Variants in PRKN observed in about 807,000 individuals in gnomAD.
PRKN encodes parkin RBR E3 ubiquitin protein ligase, also known as E3 ubiquitin-protein ligase parkin.
A neutral mutation model predicts 59.5 loss-of-function variants in PRKN; 56 were observed. The observed-to-expected ratio is 0.94, with a 90% CI of 0.76 to 1.18. The LOEUF (loss-of-function observed/expected upper bound fraction) is 1.18. PRKN is among the 50% of genes most tolerant of loss of function. PRKN has a pLI of 0.00. For missense variants in PRKN, 657 were observed against 596.4 expected, an observed-to-expected ratio of 1.10 and a Z score of -1.06; for synonymous variants, 250 against 222.1, an observed-to-expected ratio of 1.13 and a Z score of -1.12.
intron 1 of PRKN, among the ~76,000 whole-genome samples, chr6:162,655,355 G>C (rs1778606788): frequency 1.3e-5 from 2 of 152,120 alleles, no homozygotes; most frequent in Admixed American, 1.3e-4. Context: ...GTAAACCGTA[G>C]GGATTTTTGC....
At position 161,405,240 on chromosome 6, in the gene PRKN, T is replaced by C. The variant is rs1787212512; in HGVS notation, c.1084-18363A>G. 6.6e-6 allele frequency among the ~76,000 whole-genome samples: 1 copy of C among 152,166 alleles called. No individual in the cohort carries two copies. The highest frequency in any genetic ancestry group is 2.1e-4 in the South Asian group (1 of 4,828). On this transcript the variant is annotated intron_variant, in intron 9 of 11. Coordinates refer to ENST00000366898, the MANE Select transcript of PRKN (RefSeq NM_004562.3). The surrounding 1 kb of genome is among the most constrained non-coding windows in gnomAD (Gnocchi z 5.1). The stretch of plus-strand genomic sequence containing the variant: ...TGGGGGAAAAGTCATTAGTCGTCAT[T>C]TGCCATCCTGTGTTCATGCCCCTCT...
intron 1 of PRKN, among the ~76,000 whole-genome samples, chr6:162,578,042 G>A (rs889254762): frequency 1.3e-5 from 2 of 152,160 alleles, no homozygotes; most frequent in Admixed American, 6.5e-5. Context: ...ATATGCACTC[G>A]CAACCACTGA....
intron 2 of PRKN, among the ~76,000 whole-genome samples, chr6:162,427,737 G>A (rs1422413184): frequency 6.6e-6 from 1 of 150,510 alleles, no homozygotes; most frequent in African/African-American, 2.4e-5. Flanking sequence ...GCTCCACTTC[G>A]CGGGTTCACA....
chr6:161,927,226 T>A (rs1359664779), intron 6 of PRKN, among the ~76,000 whole-genome samples: 2 of 152,248 alleles, frequency 1.3e-5, no homozygotes. Context: ...CCCACTTGCA[T>A]GTACATGCTT....
At chr6:161,836,388 C>T (rs946024816) in intron 6 of PRKN, among the ~76,000 whole-genome samples, 2 of 152,106 alleles carry the variant, frequency 1.3e-5, no homozygotes, top group Non-Finnish European at 2.9e-5. Context: ...GGGAAATTGC[C>T]GTACATGATT....
chr6:162,618,271 G>A (rs994309599), intron 1 of PRKN, among the ~76,000 whole-genome samples: 18 of 152,010 alleles, frequency 1.2e-4, no homozygotes, highest in Admixed American at 8.5e-4. Context: ...TCTTATCAAT[G>A]CATGGATAAT....
At chr6:161,671,105 C>A (rs967246943) in intron 7 of PRKN, among the ~76,000 whole-genome samples, 9 of 152,102 alleles carry the variant, frequency 5.9e-5, no homozygotes, top group Non-Finnish European at 1.2e-4. Flanking sequence ...AATCTAAAAT[C>A]TAATTCTGTG....
Position 161,470,684 on chromosome 6 carries a change from C to A in PRKN, c.1083+78170G>T, listed in dbSNP as rs1294061164. On this transcript the variant is annotated intron_variant, in intron 9 of 11. Coordinates refer to ENST00000366898, the MANE Select transcript of PRKN (RefSeq NM_004562.3). The surrounding 1 kb of genome is among the most constrained non-coding windows in gnomAD (Gnocchi z 5.1). ...GCACCTGAGCCCCAGAATTCCCTGC[C>A]CAAATGGCCTGGGCTTGATTCAGGG... Among the ~76,000 whole-genome samples the A allele has an allele frequency of 2.0e-5, 3 of 152,210 alleles. No individual in the cohort carries two copies. The highest frequency in any genetic ancestry group is 7.2e-5 in the African/African-American group (3 of 41,462).
At chr6:161,713,201 G>A (rs552973120) in intron 7 of PRKN, among the ~76,000 whole-genome samples, 4 of 152,262 alleles carry the variant, frequency 2.6e-5, no homozygotes, top group East Asian at 1.9e-4. Context: ...AACACCAGAC[G>A]AAGAGATGAA....
chr6:162,270,489 T>G (rs1255557423), intron 2 of PRKN, among the ~76,000 whole-genome samples: 1 of 152,162 alleles, frequency 6.6e-6, no homozygotes, highest in Non-Finnish European at 1.5e-5. Flanking sequence ...AAATACCATC[T>G]GTACCCCAAT....
intron 1 of PRKN, among the ~76,000 whole-genome samples, chr6:162,615,903 T>C (rs1422993620): frequency 2.0e-5 from 3 of 152,214 alleles, no homozygotes; most frequent in Admixed American, 6.5e-5. Flanking sequence ...TTATCCACAT[T>C]GGCAGAGTAT....
At chr6:161,775,145 T>C (rs1232396290) in intron 7 of PRKN, among the ~76,000 whole-genome samples, 1 of 152,220 alleles carries the variant, frequency 6.6e-6, no homozygotes, top group Non-Finnish European at 1.5e-5. Context: ...TTAAAGCTTA[T>C]AATACGGATT....
chr6:162,690,947 T>C (rs938967376), intron 1 of PRKN, among the ~76,000 whole-genome samples: 14 of 152,194 alleles, frequency 9.2e-5, no homozygotes, highest in Non-Finnish European at 1.9e-4. Flanking sequence ...CTGAATGTTA[T>C]GCCTTCATGC....
At position 161,575,934 on chromosome 6, in the gene PRKN, C is replaced by A. The variant is rs1011532805; in HGVS notation, c.872-6518G>T. On this transcript the variant is annotated intron_variant, in intron 7 of 11. Transcript: ENST00000366898. The surrounding 1 kb of genome is among the most constrained non-coding windows in gnomAD (Gnocchi z 4.6). ...TTCAATGTGATCGAAGACAATGCAGCGAGACTGAACACTGACCTCTGAGCA... is the reference window on the plus strand; with the variant it reads ...TTCAATGTGATCGAAGACAATGCAGAGAGACTGAACACTGACCTCTGAGCA... Among the ~76,000 whole-genome samples the A allele has an allele frequency of 1.3e-5, 2 of 152,150 alleles. No individual in the cohort carries two copies. Among genetic ancestry groups the A allele is most frequent in the Admixed American group, 6.5e-5 (1 of 15,280 alleles).
In PRKN at chr6:162,196,628, A is replaced by T. The variant is rs142216048; in HGVS notation, c.534+4503T>A. On this transcript the variant is annotated intron_variant, in intron 4 of 11. Transcript: ENST00000366898. Reference sequence around the variant, plus strand: ...CATGCAAGAAAGAGGATATTCTGATATGGAGATGAAGAAAATTTGAGTCCG... The same window carrying T: ...CATGCAAGAAAGAGGATATTCTGATTTGGAGATGAAGAAAATTTGAGTCCG... Among the ~76,000 whole-genome samples the T allele has an allele frequency of 1.1e-3, 169 of 152,308 alleles. 4 individuals carry two copies. Among genetic ancestry groups the T allele is most frequent in the African/African-American group, 4.0e-3 (165 of 41,574 alleles).
intron 2 of PRKN, among the ~76,000 whole-genome samples, chr6:162,343,321 C>T (rs1429544020): frequency 2.6e-5 from 4 of 152,152 alleles, no homozygotes; most frequent in African/African-American, 7.2e-5. Flanking sequence ...TCTAGACGCA[C>T]CTCACATTCT....
intron 4 of PRKN, among the ~76,000 whole-genome samples, chr6:162,161,559 T>C (rs935625587): frequency 2.0e-5 from 3 of 152,214 alleles, no homozygotes; most frequent in Non-Finnish European, 4.4e-5. Context: ...GTCCTGCCTA[T>C]GATGGGAATC....
chr6:162,390,107 C>T (rs1787083990), intron 2 of PRKN, among the ~76,000 whole-genome samples: 1 of 152,082 alleles, frequency 6.6e-6, no homozygotes, highest in Non-Finnish European at 1.5e-5. Context: ...CGCCAATGTT[C>T]ATTTCCCGTA....
At chr6:161,936,748 C>T (rs989737842) in intron 6 of PRKN, among the ~76,000 whole-genome samples, 23 of 151,692 alleles carry the variant, frequency 1.5e-4, no homozygotes, top group Admixed American at 5.9e-4. Flanking sequence ...ATCCACTTTA[C>T]AATCCTAATT....
Sources: gnomAD v4.1 joint callset for allele counts (sites outside exome capture counted in the v4.1 genomes callset) on GRCh38, gnomAD v4.1.1 for gene constraint, Gnocchi (gnomAD v3.1) non-coding constraint, MANE v1.5 for transcripts, NCBI Gene and HGNC (gene_info 2026-07-23, HGNC 2026-07-21) for gene names.